Variants in FEZ2 observed in about 807,000 individuals in gnomAD.
The protein encoded by FEZ2 is fasciculation and elongation protein zeta 2, also known as fasciculation and elongation protein zeta-2.
In FEZ2, 51 loss-of-function variants were observed where a neutral mutation model predicts 40.4. That is an observed-to-expected ratio of 1.26 (90% CI 1.01 to 1.59). FEZ2 has a LOEUF of 1.59. Ranked by LOEUF, FEZ2 falls within the 40% of genes most tolerant of loss-of-function variation. FEZ2 has a pLI of 0.00. For missense variants in FEZ2, 640 were observed against 438.3 expected (o/e 1.46, Z -4.11); for synonymous variants, 242 against 172.0 (o/e 1.41, Z -3.18).
chr2:36,558,295 A>T (rs1393269033), intron 6 of FEZ2, 143 bp downstream of exon 6: 1 of 465,550 alleles, frequency 2.1e-6, no homozygotes, highest in African/African-American at 2.0e-5. Context: ...TTTTGGCTTC[A>T]TTCTTATAAA....
intron 1 of FEZ2, among the ~76,000 whole-genome samples, chr2:36,597,268 C>T (rs896436186): frequency 2.6e-5 from 4 of 152,178 alleles, no homozygotes; most frequent in African/African-American, 7.2e-5. Context: ...GGCACACTCC[C>T]ACTCATCAGT....
At chr2:36,578,962 G>C in intron 4 of FEZ2, 97 bp from the exon 5 acceptor site, 1 of 973,620 alleles carries the variant, frequency 1.0e-6, no homozygotes, top group East Asian at 2.4e-5. Flanking sequence ...AAACACCTAT[G>C]TAATCAATGC....
chr2:36,571,532 G>A (rs191028902), intron 5 of FEZ2, among the ~76,000 whole-genome samples: 19 of 151,956 alleles, frequency 1.3e-4, no homozygotes, highest in Admixed American at 6.5e-4. Context: ...GGCGGGCGCC[G>A]TCATCCCAGC....
intron 2 of FEZ2, among the ~76,000 whole-genome samples, chr2:36,586,165 G>A (rs747535396): frequency 5.3e-5 from 8 of 152,128 alleles, no homozygotes; most frequent in Non-Finnish European, 1.0e-4. Context: ...GGCACACTGT[G>A]ATCACAAAGG....
intron 4 of FEZ2, among the ~76,000 whole-genome samples, chr2:36,579,980 C>T (rs1668684776): frequency 6.6e-6 from 1 of 152,066 alleles, no homozygotes; most frequent in South Asian, 2.1e-4. Flanking sequence ...ATAGGGTGAT[C>T]AGGACACAGT....
At chr2:36,593,678 C>G (rs1669133867) in intron 1 of FEZ2, among the ~76,000 whole-genome samples, 1 of 152,038 alleles carries the variant, frequency 6.6e-6, no homozygotes, top group African/African-American at 2.4e-5. Flanking sequence ...GCTCACGAAA[C>G]CACTTGTTCC....
At chr2:36,590,735 C>A in intron 2 of FEZ2, 168 bp downstream of exon 2, 1 of 536,394 alleles carries the variant, frequency 1.9e-6, no homozygotes, top group Non-Finnish European at 3.3e-6. Flanking sequence ...AATGTGCCAG[C>A]AAGGTGATGG....
chr2:36,567,891 G>A (rs536918663), intron 5 of FEZ2, among the ~76,000 whole-genome samples: 52 of 152,228 alleles, frequency 3.4e-4, no homozygotes, highest in African/African-American at 1.2e-3. Context: ...AACAGGAAAC[G>A]AGCTGTGTAG....
At chr2:36,591,136 T>A in intron 1 of FEZ2, 125 bp from the exon 2 acceptor site, 1 of 662,240 alleles carries the variant, frequency 1.5e-6, no homozygotes, top group Non-Finnish European at 2.7e-6. Flanking sequence ...AGCACATTGT[T>A]TCTCAGAAAA....
At chr2:36,574,105 T>A (rs140582331) in intron 5 of FEZ2, among the ~76,000 whole-genome samples, 2 of 152,344 alleles carry the variant, frequency 1.3e-5, no homozygotes, top group African/African-American at 4.8e-5. Context: ...AAGGGAATTG[T>A]CTAGTAGGCA....
chr2:36,581,271 T>C lies in FEZ2; in HGVS notation c.634+19A>G. On this transcript the variant is annotated intron_variant, in intron 4 of 7. Coordinates refer to ENST00000405912, the MANE Select transcript of FEZ2 (RefSeq NM_005102.3). Reference sequence around the variant, plus strand: ...AGACAAAAAGCACAGAAATCATTGATTTCAGCAGGCTCCCTTACTCTCTTC... The same window carrying C: ...AGACAAAAAGCACAGAAATCATTGACTTCAGCAGGCTCCCTTACTCTCTTC... The C allele has an allele frequency of 6.2e-7, 1 of 1,609,326 alleles. No homozygotes were observed. Among genetic ancestry groups the C allele is most frequent in the East Asian group, 2.2e-5 (1 of 44,866 alleles).
At chr2:36,555,113 A>G (rs1051039335) in intron 7 of FEZ2, among the ~76,000 whole-genome samples, 1 of 152,150 alleles carries the variant, frequency 6.6e-6, no homozygotes, top group Non-Finnish European at 1.5e-5. Context: ...TGCCTCATCA[A>G]TATTCCCACC....
chr2:36,560,679 G>C, intron 5 of FEZ2: 3 of 611,434 alleles, frequency 4.9e-6, no homozygotes, highest in Non-Finnish European at 5.8e-6. Flanking sequence ...TATTTCTCTC[G>C]TTAAGCAATG....
At chr2:36,573,188 A>G (rs1668465849) in intron 5 of FEZ2, among the ~76,000 whole-genome samples, 1 of 152,232 alleles carries the variant, frequency 6.6e-6, no homozygotes, top group Non-Finnish European at 1.5e-5. Flanking sequence ...AACAAGACTT[A>G]GCATAAACAA....
chr2:36,592,662 A>T (rs1262617892), intron 1 of FEZ2, among the ~76,000 whole-genome samples: 1 of 151,240 alleles, frequency 6.6e-6, no homozygotes, highest in Non-Finnish European at 1.5e-5. Flanking sequence ...AAAAAAAAAA[A>T]AAAATTGGCC....
rs771216439 is a variant in FEZ2, at chr2:36,555,764, G to A, written c.980-16C>T. ...GCACGAAGAACTGCAAAATAGAAGA[G>A]GGGAAAAAAGACAACAATTAAAAAT... On this transcript the variant is annotated splice_polypyrimidine_tract_variant and intron_variant, in intron 6 of 7. Transcript: ENST00000405912. The A allele has an allele frequency of 4.7e-6, 7 of 1,481,448 alleles. No homozygotes were observed. The African/African-American group carries it at 5.7e-5, about 12-fold the overall frequency. 91.8% of individuals were successfully genotyped at this position (1,481,448 alleles called of 1,614,324 possible). A position where few individuals can be genotyped will look rare whatever the true frequency, so the allele number is the denominator to read the frequency against.
intron 5 of FEZ2, 130 bp downstream of exon 5, chr2:36,578,467 T>C: frequency 1.0e-6 from 1 of 980,280 alleles, no homozygotes; most frequent in Non-Finnish European, 1.5e-6. Context: ...AAAATCCCAC[T>C]GGGCTCTGAT....
chr2:36,555,860 C>T (rs1384689300), intron 6 of FEZ2, 112 bp from the exon 7 acceptor site: 1 of 683,620 alleles, frequency 1.5e-6, no homozygotes, highest in African/African-American at 1.8e-5. Context: ...ATATAACTGA[C>T]TCATACAAAT....
chr2:36,560,503 TA>T (rs1445862179), intron 5 of FEZ2, among the ~76,000 whole-genome samples: 1 of 152,338 alleles, frequency 6.6e-6, no homozygotes, highest in East Asian at 1.9e-4. Flanking sequence ...TACATTATGT[TA>T]AAATGTTAAT....
Sources: allele counts gnomAD v4.1 joint callset (sites outside exome capture counted in the v4.1 genomes callset), GRCh38; gene constraint gnomAD v4.1.1; transcripts MANE v1.5; gene names NCBI Gene and HGNC (gene_info 2026-07-23, HGNC 2026-07-21).